The following PRKCE variants were observed in gnomAD, a reference collection of about 807,000 sequenced individuals.
The protein encoded by PRKCE is protein kinase C epsilon type.
PRKCE carries 16 observed loss-of-function variants against 85.4 expected under a neutral mutation model. The ratio of observed to expected loss-of-function variants is 0.19; its 90% CI spans 0.13 to 0.28. The LOEUF (loss-of-function observed/expected upper bound fraction) is 0.28, where lower values mean the gene tolerates loss of function less well. PRKCE is among the 10% of genes least tolerant of loss of function. The pLI is 1.00. For synonymous variants in PRKCE, 388 were observed against 371.5 expected, an observed-to-expected ratio of 1.04 and a Z score of -0.51; for missense variants, 573 against 975.2, an observed-to-expected ratio of 0.59 and a Z score of 5.49.
chr2:46,105,656 C>T (rs1671648961), intron 11 of PRKCE, among the ~76,000 whole-genome samples: 1 of 152,114 alleles, frequency 6.6e-6, no homozygotes, highest in African/African-American at 2.4e-5. Context: ...ACTCAAGAAC[C>T]ACCAGAGATC....
At chr2:45,948,241 T>C (rs1359921733) in intron 2 of PRKCE, among the ~76,000 whole-genome samples, 1 of 152,224 alleles carries the variant, frequency 6.6e-6, no homozygotes, top group Non-Finnish European at 1.5e-5. Context: ...CATTGGCACA[T>C]AGACATACAG....
At chr2:45,827,231 C>G (rs1002436407) in intron 1 of PRKCE, among the ~76,000 whole-genome samples, 4 of 152,236 alleles carry the variant, frequency 2.6e-5, no homozygotes, top group Admixed American at 2.6e-4. Context: ...ACCAGTCGGG[C>G]TGGCTTTTTC....
intron 10 of PRKCE, among the ~76,000 whole-genome samples, chr2:46,039,119 T>C (rs1708064479): frequency 1.3e-5 from 2 of 152,190 alleles, no homozygotes; most frequent in Non-Finnish European, 1.5e-5. Flanking sequence ...CTTCTCTGTG[T>C]TTCGGATTCT....
intron 10 of PRKCE, among the ~76,000 whole-genome samples, chr2:46,065,690 GT>G (rs1392098416): frequency 6.6e-6 from 1 of 152,088 alleles, no homozygotes; most frequent in Non-Finnish European, 1.5e-5. Flanking sequence ...GTCACTGGAG[GT>G]CAGAAACATA....
chr2:46,150,965 C>A, intron 12 of PRKCE, 76 bp from the exon 13 acceptor site: 1 of 1,378,250 alleles, frequency 7.3e-7, no homozygotes, highest in South Asian at 1.4e-5. Flanking sequence ...AAGTCCTTCC[C>A]ATGGGCGTTC....
chr2:45,728,280 T>C (rs896661506), intron 1 of PRKCE, among the ~76,000 whole-genome samples: 10 of 152,236 alleles, frequency 6.6e-5, no homozygotes, highest in Admixed American at 2.0e-4. Flanking sequence ...TTTCTCCCTC[T>C]TGATTTTAAG....
intron 1 of PRKCE, among the ~76,000 whole-genome samples, chr2:45,727,427 C>G (rs1019196144): frequency 6.6e-6 from 1 of 152,058 alleles, no homozygotes; most frequent in African/African-American, 2.4e-5. Context: ...GGGGGCTTCC[C>G]GGAGGACGGG....
intron 2 of PRKCE, among the ~76,000 whole-genome samples, chr2:45,938,804 A>G (rs1364531243): frequency 6.6e-6 from 1 of 152,204 alleles, no homozygotes; most frequent in East Asian, 1.9e-4. Flanking sequence ...TCACTCATCT[A>G]CAGTTCTCTC....
chr2:46,060,245 CA>C (rs1380454591), intron 10 of PRKCE, among the ~76,000 whole-genome samples: 1 of 152,146 alleles, frequency 6.6e-6, no homozygotes, highest in Non-Finnish European at 1.5e-5. Flanking sequence ...TTCAGCCCCC[CA>C]AAGCTGAAGT....
chr2:45,858,687 C>T (rs1441183518), intron 2 of PRKCE, among the ~76,000 whole-genome samples: 1 of 152,080 alleles, frequency 6.6e-6, no homozygotes, highest in African/African-American at 2.4e-5. Flanking sequence ...ATTTTAGCAC[C>T]TAAATGTATG....
chr2:45,973,689 G>A (rs1159602452), intron 2 of PRKCE, among the ~76,000 whole-genome samples: 1 of 152,166 alleles, frequency 6.6e-6, no homozygotes, highest in Non-Finnish European at 1.5e-5. Flanking sequence ...GAAATGAATA[G>A]AGTCAAATTA....
At chr2:46,086,448 C>G (rs1669647345) in intron 11 of PRKCE, 86 bp downstream of exon 11, 4 of 1,468,978 alleles carry the variant, frequency 2.7e-6, no homozygotes, top group Non-Finnish European at 3.7e-6. Context: ...CTCCTGCCCA[C>G]TCGTCTCTTA....
At chr2:46,140,262 A>G (rs1558495667) in intron 11 of PRKCE, among the ~76,000 whole-genome samples, 3 of 152,204 alleles carry the variant, frequency 2.0e-5, no homozygotes, top group Admixed American at 1.3e-4. Flanking sequence ...AAATAATAAT[A>G]TGTAGACTGG....
intron 2 of PRKCE, among the ~76,000 whole-genome samples, chr2:45,943,206 A>G (rs1276015776): frequency 6.6e-6 from 1 of 152,232 alleles, no homozygotes; most frequent in Non-Finnish European, 1.5e-5. Context: ...TTCCTTTGTT[A>G]AAGGACACAA....
intron 10 of PRKCE, among the ~76,000 whole-genome samples, chr2:46,013,560 C>G (rs1238531957): frequency 6.6e-6 from 1 of 152,160 alleles, no homozygotes; most frequent in Non-Finnish European, 1.5e-5. Context: ...AGAATTCAGT[C>G]TTGATTGAGT....
chr2:46,038,651 TCACACACACACACACACACACACACA>T (rs3222422), intron 10 of PRKCE, among the ~76,000 whole-genome samples: 5 of 128,644 alleles, frequency 3.9e-5, no homozygotes, highest in Non-Finnish European at 6.6e-5. Flanking sequence ...AGTAACAACT[TCACACACACACACACACACACACACA>T]CACACACACA....
intron 1 of PRKCE, among the ~76,000 whole-genome samples, chr2:45,788,700 G>A (rs1017062716): frequency 4.6e-5 from 7 of 152,226 alleles, no homozygotes; most frequent in South Asian, 2.1e-4. Context: ...TGAAAGGGAT[G>A]TATGTGGACA....
intron 10 of PRKCE, among the ~76,000 whole-genome samples, chr2:46,071,944 T>A (rs1300150891): frequency 6.6e-6 from 1 of 152,134 alleles, no homozygotes; most frequent in Non-Finnish European, 1.5e-5. Flanking sequence ...GGGTGTAGAC[T>A]GGAGTCTGCG....
intron 10 of PRKCE, among the ~76,000 whole-genome samples, chr2:46,025,970 T>TA (rs1288872289): frequency 6.6e-6 from 1 of 152,212 alleles, no homozygotes; most frequent in Non-Finnish European, 1.5e-5. Flanking sequence ...CAGTACCTGG[T>TA]AGACGCCATA....
Sources: allele counts gnomAD v4.1 joint callset (sites outside exome capture counted in the v4.1 genomes callset), GRCh38; gene constraint gnomAD v4.1.1; transcripts MANE v1.5; gene names NCBI Gene and HGNC (gene_info 2026-07-23, HGNC 2026-07-21).